Variants in ANK3 observed in about 807,000 individuals in gnomAD.
ANK3 encodes ankyrin 3, also known as ankyrin-3.
In ANK3, 57 loss-of-function variants were observed where a neutral mutation model predicts 370.9. The observed-to-expected ratio is 0.15, with a 90% CI of 0.12 to 0.19. The LOEUF (loss-of-function observed/expected upper bound fraction) is 0.19, where lower values mean the gene tolerates loss of function less well. Ranked by LOEUF, ANK3 falls within the 10% of genes least tolerant of loss-of-function variation. The pLI is 1.00. For missense variants in ANK3, 4,439 were observed against 5,302.1 expected, an observed-to-expected ratio of 0.84 and a Z score of 5.06; for synonymous variants, 1,929 against 1,946.3, an observed-to-expected ratio of 0.99 and a Z score of 0.23.
At chr10:60,056,351 C>T (rs572634796) in intron 41 of ANK3, among the ~76,000 whole-genome samples, 112 of 151,192 alleles carry the variant, frequency 7.4e-4, no homozygotes, top group Non-Finnish European at 1.3e-3. Context: ...TGCCTGTAAT[C>T]CCAGCTACTC....
In ANK3 at chr10:60,172,830, G is replaced by C. The variant is rs554060307; in HGVS notation, c.2382+70C>G. On this transcript the variant is annotated intron_variant, in intron 20 of 43. Coordinates refer to ENST00000280772, the MANE Select transcript of ANK3 (RefSeq NM_020987.5). ...TCTTCATGAAAGTACAATGAAAAAC[G>C]TAAGAAGACACCAGAGTCCAGGCCC... The C allele has an allele frequency of 5.8e-4, 556 of 958,084 alleles. 1 individual carries two copies. The highest frequency in any genetic ancestry group is 4.4e-4 in the Non-Finnish European group (269 of 615,816). The allele number at this position is 958,084 out of a possible 1,614,324, so 59.3% of individuals were successfully genotyped here.
At chr10:60,599,016 C>T (rs1001047537) in intron 2 of ANK3, among the ~76,000 whole-genome samples, 3 of 152,074 alleles carry the variant, frequency 2.0e-5, no homozygotes, top group Non-Finnish European at 4.4e-5. Flanking sequence ...GCAGCCTTGA[C>T]GTCCTGGGCT....
chr10:60,460,779 A>C (rs1050837330), intron 2 of ANK3, among the ~76,000 whole-genome samples: 2 of 152,178 alleles, frequency 1.3e-5, no homozygotes, highest in Non-Finnish European at 2.9e-5. Flanking sequence ...AACTCAATGC[A>C]GACAGAACCA....
At chr10:60,552,225 T>C (rs543667043) in intron 2 of ANK3, among the ~76,000 whole-genome samples, 5 of 152,216 alleles carry the variant, frequency 3.3e-5, no homozygotes, top group Admixed American at 6.5e-5. Context: ...TTCATATTCA[T>C]TTCTTGTTAA....
At chr10:60,692,133 G>T (rs554317293) in intron 1 of ANK3, among the ~76,000 whole-genome samples, 2 of 152,190 alleles carry the variant, frequency 1.3e-5, no homozygotes, top group African/African-American at 4.8e-5. Flanking sequence ...GCCAATGTGT[G>T]TCAAGGGATT....
intron 1 of ANK3, among the ~76,000 whole-genome samples, chr10:60,366,852 T>G (rs185307717): frequency 2.2e-4 from 33 of 152,294 alleles, no homozygotes; most frequent in African/African-American, 7.7e-4. Flanking sequence ...AGAACTCTTA[T>G]TTTTTCGGTT....
At chr10:60,067,792 TG>T in intron 38 of ANK3, 142 bp downstream of exon 38, 2 of 557,192 alleles carry the variant, frequency 3.6e-6, no homozygotes, top group South Asian at 7.5e-5. Context: ...TATTTATCTC[TG>T]GGTAGATAAA....
exon 1 of ANK3, chr10:60,733,437 A>C (rs1417382484): frequency 1.1e-6 from 1 of 942,890 alleles, no homozygotes; most frequent in African/African-American, 1.7e-5. Flanking sequence ...GCTCAGGAAC[A>C]CCAAGCGCGG....
chr10:60,364,492 A>G (rs917283159), intron 1 of ANK3, among the ~76,000 whole-genome samples: 4 of 151,446 alleles, frequency 2.6e-5, no homozygotes, highest in African/African-American at 9.7e-5. Context: ...GAGTTGAACA[A>G]TGAGAACACA....
intron 1 of ANK3, among the ~76,000 whole-genome samples, chr10:60,386,243 G>A (rs936272593): frequency 6.6e-6 from 1 of 152,108 alleles, no homozygotes; most frequent in African/African-American, 2.4e-5. Flanking sequence ...CGGCCCGTGA[G>A]CAGAGAAGTG....
At chr10:60,189,951 G>A (rs2096442970) in intron 16 of ANK3, among the ~76,000 whole-genome samples, 1 of 152,072 alleles carries the variant, frequency 6.6e-6, no homozygotes, top group Non-Finnish European at 1.5e-5. Context: ...AGAGAAACCT[G>A]ATAAATAATA....
At chr10:60,099,003 T>C (rs147574753) in intron 28 of ANK3, among the ~76,000 whole-genome samples, 3 of 152,356 alleles carry the variant, frequency 2.0e-5, no homozygotes, top group South Asian at 2.1e-4. Context: ...GATTAATTTT[T>C]AATCATTATG....
chr10:60,105,191 G>A (rs973233983), intron 28 of ANK3, among the ~76,000 whole-genome samples: 1 of 151,330 alleles, frequency 6.6e-6, no homozygotes, highest in Non-Finnish European at 1.5e-5. Context: ...AGACGTTATG[G>A]TGAGCCTGTT....
At chr10:60,413,382 T>G (rs943502682) in intron 2 of ANK3, among the ~76,000 whole-genome samples, 2 of 152,226 alleles carry the variant, frequency 1.3e-5, no homozygotes, top group African/African-American at 4.8e-5. Flanking sequence ...CAGCTAAAGC[T>G]CTACAGAATA....
chr10:60,720,521 T>G (rs985442357), intron 1 of ANK3, among the ~76,000 whole-genome samples: 1 of 152,216 alleles, frequency 6.6e-6, no homozygotes. Context: ...AGTAATTATA[T>G]TATAAAAGTA....
At chr10:60,164,490 CT>C (rs2095573070) in intron 23 of ANK3, among the ~76,000 whole-genome samples, 1 of 142,880 alleles carries the variant, frequency 7.0e-6, no homozygotes, top group South Asian at 2.2e-4. Context: ...AATGATATAC[CT>C]GAAAAAAAAA....
intron 2 of ANK3, among the ~76,000 whole-genome samples, chr10:60,413,683 T>C (rs1028140045): frequency 2.0e-5 from 3 of 152,044 alleles, no homozygotes; most frequent in African/African-American, 7.2e-5. Context: ...TCATGCAGAG[T>C]ATTTAATTGA....
intron 1 of ANK3, chr10:60,615,260 G>A (rs1237528208): frequency 6.9e-7 from 1 of 1,445,416 alleles, no homozygotes; most frequent in Non-Finnish European, 9.2e-7. Context: ...TAGCAAACAT[G>A]AAAGAATTCC....
intron 1 of ANK3, among the ~76,000 whole-genome samples, chr10:60,319,446 C>T (rs932538908): frequency 5.3e-5 from 8 of 152,242 alleles, no homozygotes; most frequent in South Asian, 2.1e-4. Flanking sequence ...TAAGACAACA[C>T]GACAAATGCC....
Sources: allele counts gnomAD v4.1 joint callset (sites outside exome capture counted in the v4.1 genomes callset), GRCh38; gene constraint gnomAD v4.1.1; transcripts MANE v1.5; gene names NCBI Gene and HGNC (gene_info 2026-07-23, HGNC 2026-07-21).